Variants in ADAMTSL1 observed in about 807,000 individuals in gnomAD.
ADAMTSL1 encodes the protein ADAMTS-like protein 1.
A neutral mutation model predicts 201.8 loss-of-function variants in ADAMTSL1; 126 were observed. The ratio of observed to expected loss-of-function variants is 0.62; its 90% confidence interval spans 0.54 to 0.72. ADAMTSL1 has a LOEUF of 0.72. ADAMTSL1 is among the 30% of genes least tolerant of loss of function. The pLI, the probability that ADAMTSL1 is intolerant of heterozygous loss-of-function variation, is 0.00. For missense variants in ADAMTSL1, 2,679 were observed against 2,277.8 expected (o/e 1.18, Z -3.59); for synonymous variants, 1,121 against 903.4 (o/e 1.24, Z -4.32).
At chr9:18,056,956 C>A (rs1822218149) in intron 1 of ADAMTSL1, among the ~76,000 whole-genome samples, 1 of 152,172 alleles carries the variant, frequency 6.6e-6, no homozygotes, top group African/African-American at 2.4e-5. Context: ...GCAAACCAGA[C>A]AAACCACTAC....
At chr9:17,940,803 C>G (rs1476223846) in intron 1 of ADAMTSL1, among the ~76,000 whole-genome samples, 1 of 12,558 alleles carries the variant, frequency 8.0e-5, no homozygotes, top group African/African-American at 2.5e-4. Flanking sequence ...GTAAATAACA[C>G]CCCCCCCCCA....
At chr9:18,714,640 T>C (rs575426525) in intron 14 of ADAMTSL1, among the ~76,000 whole-genome samples, 2 of 147,800 alleles carry the variant, frequency 1.4e-5, no homozygotes, top group Admixed American at 6.8e-5. Context: ...CAGAACCAGA[T>C]GGATTCACAG....
At chr9:18,009,862 G>T (rs1248104921) in intron 1 of ADAMTSL1, among the ~76,000 whole-genome samples, 1 of 152,004 alleles carries the variant, frequency 6.6e-6, no homozygotes, top group Non-Finnish European at 1.5e-5. Context: ...TGCAGATATA[G>T]GTACTCAGTC....
intron 4 of ADAMTSL1, among the ~76,000 whole-genome samples, chr9:18,604,595 A>T (rs1004707788): frequency 6.6e-6 from 1 of 152,190 alleles, no homozygotes; most frequent in Non-Finnish European, 1.5e-5. Flanking sequence ...TCATAATTAC[A>T]TTCCTTTTTA....
At chr9:17,917,284 C>T (rs966769978) in intron 1 of ADAMTSL1, among the ~76,000 whole-genome samples, 1 of 152,002 alleles carries the variant, frequency 6.6e-6, no homozygotes, top group Non-Finnish European at 1.5e-5. Context: ...ACCTCCAGTA[C>T]AAGGTTGGAT....
intron 1 of ADAMTSL1, among the ~76,000 whole-genome samples, chr9:18,062,748 G>A (rs1033509033): frequency 2.0e-5 from 3 of 152,104 alleles, no homozygotes; most frequent in Non-Finnish European, 2.9e-5. Context: ...AATGATGGCA[G>A]TGAGAAACAA....
intron 1 of ADAMTSL1, among the ~76,000 whole-genome samples, chr9:18,094,253 A>G (rs906204558): frequency 1.3e-4 from 20 of 152,178 alleles, no homozygotes; most frequent in African/African-American, 4.6e-4. Context: ...AGACCCAGGG[A>G]GAAGAAACCT....
intron 2 of ADAMTSL1, among the ~76,000 whole-genome samples, chr9:18,368,686 T>C (rs1264997302): frequency 6.6e-6 from 1 of 152,188 alleles, no homozygotes; most frequent in Non-Finnish European, 1.5e-5. Context: ...GCAATCACAA[T>C]TGTATCACAT....
chr9:18,402,618 C>G (rs3908993), intron 2 of ADAMTSL1, among the ~76,000 whole-genome samples: 6,875 of 152,254 alleles, frequency 0.045, 168 homozygotes, highest in Middle Eastern at 0.092. Context: ...CTTTCTTGCC[C>G]TCTGTTTCCA....
intron 7 of ADAMTSL1, among the ~76,000 whole-genome samples, chr9:18,640,923 C>T (rs896914507): frequency 6.6e-6 from 1 of 152,030 alleles, no homozygotes; most frequent in African/African-American, 2.4e-5. Context: ...TTCCTAAAAT[C>T]CCTTTCCTAA....
chr9:18,208,306 T>C (rs1829736717), intron 2 of ADAMTSL1, among the ~76,000 whole-genome samples: 1 of 152,192 alleles, frequency 6.6e-6, no homozygotes, highest in Non-Finnish European at 1.5e-5. Flanking sequence ...GATAGGAAGC[T>C]GTGAAATTGC....
At chr9:18,625,415 T>C in intron 5 of ADAMTSL1, among the ~76,000 whole-genome samples, 1 of 152,102 alleles carries the variant, frequency 6.6e-6, no homozygotes, top group Non-Finnish European at 1.5e-5. Context: ...TTGCTGGTGA[T>C]TTTTAAAAAA....
chr9:18,021,480 T>G (rs1211554462), intron 1 of ADAMTSL1, among the ~76,000 whole-genome samples: 2 of 152,160 alleles, frequency 1.3e-5, no homozygotes, highest in East Asian at 3.9e-4. Flanking sequence ...ACATTACTAA[T>G]TGTAAGAGCT....
rs142986641 is a variant in ADAMTSL1, at chr9:18,609,861, C to G, written c.475-12382C>G. 5.6e-4 allele frequency among the ~76,000 whole-genome samples: 85 copies of G among 152,252 alleles called. 1 individual carries two copies. Among genetic ancestry groups the G allele is most frequent in the Admixed American group, 1.8e-3 (27 of 15,292 alleles). ...AATGAACTGGATCTTTTTATATAAG[C>G]TATCACCTCAAATCCTTAGAACAAG... On this transcript the variant is annotated intron_variant, in intron 4 of 28. Coordinates refer to ENST00000380548, the MANE Select transcript of ADAMTSL1 (RefSeq NM_001040272.6).
intron 2 of ADAMTSL1, among the ~76,000 whole-genome samples, chr9:18,307,733 C>G (rs968106492): frequency 1.3e-5 from 2 of 152,056 alleles, no homozygotes; most frequent in Non-Finnish European, 2.9e-5. Flanking sequence ...TAGACTCCCA[C>G]ATAATAATAG....
At chr9:18,308,726 G>C (rs150956299) in intron 2 of ADAMTSL1, among the ~76,000 whole-genome samples, 11,230 of 152,234 alleles carry the variant, frequency 0.074, 577 homozygotes, top group Non-Finnish European at 0.11. Flanking sequence ...TCGAGGGCCA[G>C]ATGGATTCAC....
chr9:18,637,976 C>T (rs1025254893), intron 6 of ADAMTSL1, among the ~76,000 whole-genome samples: 12 of 152,104 alleles, frequency 7.9e-5, no homozygotes, highest in African/African-American at 2.7e-4. Context: ...CTACAAGTGC[C>T]TGTGAGGCAG....
In ADAMTSL1 at chr9:18,657,731, C is replaced by G; in HGVS notation, c.927C>G (p.Cys309Trp). 1.2e-6 allele frequency: 2 copies of G among 1,613,846 alleles called. No homozygotes were observed. Among genetic ancestry groups the G allele is most frequent in the Non-Finnish European group, 1.7e-6 (2 of 1,179,720 alleles). The change falls in exon 8 of 29, where the codon TGC becomes TGG. Residue 309 changes from cysteine (C) to tryptophan (W), a missense_variant. Coordinates refer to ENST00000380548, the MANE Select transcript of ADAMTSL1 (RefSeq NM_001040272.6). Reference sequence around the variant, plus strand: ...GGAGGGAGACGGATTTCTTTCCTTGCTCAGCAACCTGTGGAGGAGGTAATG... The same window carrying G: ...GGAGGGAGACGGATTTCTTTCCTTGGTCAGCAACCTGTGGAGGAGGTAATG... Reference protein sequence around the residue: ...HRWRETDFFPCSATCGGGYQL... With the variant: ...HRWRETDFFPWSATCGGGYQL...
At chr9:18,619,084 A>G (rs1825870622) in intron 4 of ADAMTSL1, among the ~76,000 whole-genome samples, 1 of 152,170 alleles carries the variant, frequency 6.6e-6, no homozygotes, top group Admixed American at 6.6e-5. Context: ...TTTGCCAAAT[A>G]AAGAATAGGG....
Sources: gnomAD v4.1 joint callset for allele counts (sites outside exome capture counted in the v4.1 genomes callset) on GRCh38, gnomAD v4.1.1 for gene constraint, MANE v1.5 for transcripts, NCBI Gene and HGNC (gene_info 2026-07-23, HGNC 2026-07-21) for gene names.